The following PPM1L variants were observed in gnomAD, a reference collection of about 807,000 sequenced individuals.
The protein encoded by PPM1L is protein phosphatase 1L.
A neutral mutation model predicts 31.4 loss-of-function variants in PPM1L; 13 were observed. The observed-to-expected ratio is 0.41, with a 90% CI of 0.27 to 0.66. The LOEUF (loss-of-function observed/expected upper bound fraction) is 0.66. PPM1L is among the 30% of genes least tolerant of loss of function. The pLI, the probability that PPM1L is intolerant of heterozygous loss-of-function variation, is 0.29. For synonymous variants in PPM1L, 184 were observed against 175.4 expected (o/e 1.05, Z -0.39); for missense variants, 326 against 453.7 (o/e 0.72, Z 2.56).
intron 1 of PPM1L, among the ~76,000 whole-genome samples, chr3:160,785,457 C>T (rs1711876248): frequency 6.6e-6 from 1 of 152,088 alleles, no homozygotes; most frequent in Non-Finnish European, 1.5e-5. Flanking sequence ...CATAAAAATG[C>T]TCAATAAAAA....
chr3:161,024,691 T>C, intron 2 of PPM1L, among the ~76,000 whole-genome samples: 1 of 115,904 alleles, frequency 8.6e-6, no homozygotes, highest in African/African-American at 3.7e-5. Context: ...AGAGTGAAAC[T>C]CCATCTCAAA....
intron 1 of PPM1L, among the ~76,000 whole-genome samples, chr3:160,863,930 A>T (rs1274446964): frequency 6.6e-6 from 1 of 152,150 alleles, no homozygotes; most frequent in South Asian, 2.1e-4. Context: ...AATATTTGAG[A>T]TGGAAAAAAA....
intron 1 of PPM1L, among the ~76,000 whole-genome samples, chr3:160,938,414 C>T (rs149286598): frequency 6.6e-6 from 1 of 152,192 alleles, no homozygotes; most frequent in Non-Finnish European, 1.5e-5. Flanking sequence ...TTTAACCTTG[C>T]GAGATTACCA....
At chr3:160,851,954 C>T (rs1253232297) in intron 1 of PPM1L, among the ~76,000 whole-genome samples, 1 of 152,128 alleles carries the variant, frequency 6.6e-6, no homozygotes, top group African/African-American at 2.4e-5. Context: ...ATTTTTTCCC[C>T]TCAAAGAGTA....
At chr3:160,910,598 A>G (rs1713938825) in intron 1 of PPM1L, among the ~76,000 whole-genome samples, 1 of 152,162 alleles carries the variant, frequency 6.6e-6, no homozygotes, top group South Asian at 2.1e-4. Context: ...GGCGTGAGCT[A>G]TCGCGCCTGG....
At chr3:161,008,678 T>C (rs1005008696) in intron 2 of PPM1L, among the ~76,000 whole-genome samples, 1 of 152,040 alleles carries the variant, frequency 6.6e-6, no homozygotes, top group African/African-American at 2.4e-5. Flanking sequence ...ATGTGAAGTG[T>C]AGGAAAAAGA....
chr3:160,946,185 C>G (rs866520300), intron 1 of PPM1L, among the ~76,000 whole-genome samples: 12 of 152,248 alleles, frequency 7.9e-5, no homozygotes, highest in Admixed American at 2.6e-4. Flanking sequence ...TACCATCTTA[C>G]TTTTCTTAGC....
intron 1 of PPM1L, among the ~76,000 whole-genome samples, chr3:160,846,779 G>A (rs1188446990): frequency 6.6e-6 from 1 of 152,092 alleles, no homozygotes; most frequent in Non-Finnish European, 1.5e-5. Flanking sequence ...GTACAAGTTA[G>A]TGCTTCTTTT....
Position 161,070,203 on chromosome 3 carries a change from G to A in PPM1L, c.*1046G>A, listed in dbSNP as rs1719864903. 6.6e-6 allele frequency: 1 copy of A among 152,250 alleles called. No individual in the cohort carries two copies. Among genetic ancestry groups the A allele is most frequent in the African/African-American group, 2.4e-5 (1 of 41,450 alleles). The allele number at this position is 152,250 out of a possible 1,614,324, so 9.4% of individuals were successfully genotyped here. On this transcript the variant is annotated 3_prime_UTR_variant, in exon 4 of 4. Transcript: ENST00000498165. ...AAGTGGTTTTCAAGTGTCAGGCAGTGTTCTGAGAAGCAGCAGCCTATAACT... is the reference window on the plus strand; with the variant it reads ...AAGTGGTTTTCAAGTGTCAGGCAGTATTCTGAGAAGCAGCAGCCTATAACT...
intron 2 of PPM1L, among the ~76,000 whole-genome samples, chr3:160,989,608 C>T (rs1483651213): frequency 2.0e-5 from 3 of 151,960 alleles, no homozygotes; most frequent in Non-Finnish European, 2.9e-5. Flanking sequence ...GTGATCCACC[C>T]GTCTCAGCCT....
intron 1 of PPM1L, among the ~76,000 whole-genome samples, chr3:160,869,896 A>T (rs1712240324): frequency 6.6e-6 from 1 of 152,216 alleles, no homozygotes; most frequent in Non-Finnish European, 1.5e-5. Flanking sequence ...CATTTGCTTC[A>T]GGCATTGCTA....
At chr3:160,811,666 A>T (rs144659809) in intron 1 of PPM1L, among the ~76,000 whole-genome samples, 59 of 152,336 alleles carry the variant, frequency 3.9e-4, no homozygotes, top group Non-Finnish European at 4.9e-4. Context: ...TGGAAAAGGT[A>T]TGGGCTTGAG....
chr3:160,756,258 A>G lies in PPM1L; in HGVS notation c.-51A>G. The G allele has an allele frequency of 6.4e-7, 1 of 1,560,324 alleles. No individual in the cohort carries two copies. The highest frequency in any genetic ancestry group is 8.7e-7 in the Non-Finnish European group (1 of 1,149,598). The stretch of plus-strand genomic sequence containing the variant: ...CCCCGCAGTGCTCCCGGACCCGGCG[A>G]GCCTTCGGGGCGCGCGTCGCTGGTG... On this transcript the variant is annotated 5_prime_UTR_variant, in exon 1 of 4. Coordinates refer to ENST00000498165, the MANE Select transcript of PPM1L (RefSeq NM_139245.4). This position sits in a 1 kb window ranked among gnomAD's most constrained non-coding sequence, Gnocchi z 6.2.
At chr3:160,956,307 T>C (rs933891184) in intron 1 of PPM1L, among the ~76,000 whole-genome samples, 2 of 152,218 alleles carry the variant, frequency 1.3e-5, no homozygotes, top group Admixed American at 6.5e-5. Flanking sequence ...CTTGTAAGTT[T>C]TTAGCTCATA....
At chr3:160,765,160 T>G (rs979458648) in intron 1 of PPM1L, among the ~76,000 whole-genome samples, 2 of 152,238 alleles carry the variant, frequency 1.3e-5, no homozygotes, top group Non-Finnish European at 1.5e-5. Context: ...TCCCCCATTT[T>G]GTAGGTGTAG....
chr3:160,796,161 T>C (rs1373651356), intron 1 of PPM1L, among the ~76,000 whole-genome samples: 1 of 152,234 alleles, frequency 6.6e-6, no homozygotes, highest in Non-Finnish European at 1.5e-5. Flanking sequence ...GTATATGATG[T>C]CTGGTCAAAT....
chr3:160,960,999 T>C (rs767549127), intron 1 of PPM1L, among the ~76,000 whole-genome samples: 21 of 152,208 alleles, frequency 1.4e-4, no homozygotes, highest in Non-Finnish European at 2.4e-4. Flanking sequence ...TTGTTACTAA[T>C]TGGAATGTAA....
In PPM1L at chr3:161,066,861, C is replaced by T. The variant is rs115835291; in HGVS notation, c.736+1297C>T. On this transcript the variant is annotated intron_variant, in intron 3 of 3. Coordinates refer to ENST00000498165, the MANE Select transcript of PPM1L (RefSeq NM_139245.4). Reference sequence around the variant, plus strand: ...TTAGTTTTCACAGTAGGGAACCATACTGTTAAGTCAAAATGTGTTGAATTT... The same window carrying T: ...TTAGTTTTCACAGTAGGGAACCATATTGTTAAGTCAAAATGTGTTGAATTT... Among the ~76,000 whole-genome samples the T allele has an allele frequency of 5.9e-3, 901 of 152,330 alleles. 11 individuals are homozygous for T. Among genetic ancestry groups the T allele is most frequent in the African/African-American group, 0.02 (833 of 41,560 alleles).
intron 3 of PPM1L, among the ~76,000 whole-genome samples, chr3:161,068,180 C>T (rs1404606140): frequency 6.6e-6 from 1 of 152,104 alleles, no homozygotes; most frequent in Non-Finnish European, 1.5e-5. Context: ...TCTCAACAAC[C>T]CAATAAAATA....
Sources: allele counts gnomAD v4.1 joint callset (sites outside exome capture counted in the v4.1 genomes callset), GRCh38; gene constraint gnomAD v4.1.1; non-coding constraint Gnocchi (gnomAD v3.1); transcripts MANE v1.5; gene names NCBI Gene and HGNC (gene_info 2026-07-23, HGNC 2026-07-21).